Variants in SH3D19 observed in about 807,000 individuals in gnomAD.
The protein encoded by SH3D19 is SH3 domain containing 19, also known as SH3 domain-containing protein 19.
Under a neutral mutation model 112.1 loss-of-function variants are expected in SH3D19, and 58 were observed. That is an observed-to-expected ratio of 0.52 (90% CI 0.42 to 0.64). The LOEUF (loss-of-function observed/expected upper bound fraction) is 0.64. SH3D19 is among the 30% of genes least tolerant of loss of function. SH3D19 has a pLI of 0.00. For missense variants in SH3D19, 1,090 were observed against 1,263.4 expected, an observed-to-expected ratio of 0.86 and a Z score of 2.08; for synonymous variants, 391 against 448.5, an observed-to-expected ratio of 0.87 and a Z score of 1.62.
chr4:151,189,261 C>T (rs1057504730), intron 2 of SH3D19, among the ~76,000 whole-genome samples: 4 of 152,012 alleles, frequency 2.6e-5, no homozygotes, highest in Non-Finnish European at 4.4e-5. Context: ...CTACAGGCAC[C>T]CACCACCATG....
At chr4:151,272,052 C>A (rs1287471681) in intron 1 of SH3D19, among the ~76,000 whole-genome samples, 1 of 152,212 alleles carries the variant, frequency 6.6e-6, no homozygotes, top group Non-Finnish European at 1.5e-5. Context: ...TAAGAACCCA[C>A]TCTCTTGCTT....
chr4:151,266,610 G>C (rs772908734), intron 1 of SH3D19, among the ~76,000 whole-genome samples: 18 of 152,310 alleles, frequency 1.2e-4, no homozygotes, highest in African/African-American at 3.8e-4. Flanking sequence ...TCAGAGTTTA[G>C]TGAGTCAGTC....
chr4:151,270,365 A>C (rs1561417324), intron 1 of SH3D19, among the ~76,000 whole-genome samples: 1 of 151,086 alleles, frequency 6.6e-6, no homozygotes, highest in Non-Finnish European at 1.5e-5. Context: ...GCACCTCCCC[A>C]CTCTCTCTCT....
At chr4:151,303,666 G>C (rs908963041) in intron 1 of SH3D19, among the ~76,000 whole-genome samples, 1 of 152,048 alleles carries the variant, frequency 6.6e-6, no homozygotes, top group African/African-American at 2.4e-5. Context: ...TACTTCCTCT[G>C]AGCTACTTTA....
intron 7 of SH3D19, among the ~76,000 whole-genome samples, chr4:151,169,327 G>A (rs556622232): frequency 6.6e-6 from 1 of 152,218 alleles, no homozygotes; most frequent in Non-Finnish European, 1.5e-5. Context: ...GCGAGGCAAG[G>A]AAGTCTTCGT....
intron 13 of SH3D19, 67 bp from the exon 14 acceptor site, chr4:151,137,929 G>A: frequency 1.0e-5 from 14 of 1,385,506 alleles, no homozygotes; most frequent in Non-Finnish European, 1.4e-5. Context: ...AAAGCACAAA[G>A]TAGCATTTAG....
intron 17 of SH3D19, among the ~76,000 whole-genome samples, chr4:151,131,690 G>C (rs966189258): frequency 1.3e-5 from 2 of 151,860 alleles, no homozygotes; most frequent in African/African-American, 4.8e-5. Flanking sequence ...GGGTTTCACC[G>C]TGTTAGCCAG....
chr4:151,195,670 A>C (rs1763355763), intron 2 of SH3D19, among the ~76,000 whole-genome samples: 1 of 151,872 alleles, frequency 6.6e-6, no homozygotes, highest in Non-Finnish European at 1.5e-5. Context: ...CCTCTATTAG[A>C]ATATAATCTC....
intron 9 of SH3D19, among the ~76,000 whole-genome samples, chr4:151,151,372 A>T (rs1028332117): frequency 3.9e-5 from 6 of 151,972 alleles, no homozygotes; most frequent in African/African-American, 1.4e-4. Context: ...AAGAAAAAAA[A>T]TGCTGACTCT....
rs548133610 is a variant in SH3D19 at position 151,199,859 on chromosome 4, T to G, written c.153-12396A>C. Among the ~76,000 whole-genome samples, 5 of 152,348 alleles carry G rather than the reference T, an allele frequency of 3.3e-5. No individual in the cohort carries two copies. The South Asian group carries it at 1.0e-3, about 32-fold the overall frequency. ...TAAAAAATATATATTTATTTTGCTA[T>G]GGTCTGAATGTTTGTATCCCCATCA... On this transcript the variant is annotated intron_variant, in intron 2 of 19. Coordinates refer to ENST00000604030, the MANE Select transcript of SH3D19 (RefSeq NM_001378122.1).
intron 10 of SH3D19, 98 bp from the exon 11 acceptor site, chr4:151,148,284 CACACA>C: frequency 1.2e-6 from 1 of 824,164 alleles, no homozygotes; most frequent in Non-Finnish European, 1.8e-6. Context: ...CACACACACA[CACACA>C]GAGACACAGC....
rs1300115941 is a variant in SH3D19, at chr4:151,254,980, C to T, written c.113-28894G>A. 1.7e-3 allele frequency among the ~76,000 whole-genome samples: 250 copies of T among 145,770 alleles called. 4 individuals are homozygous for T. Among genetic ancestry groups the T allele is most frequent in the African/African-American group, 6.2e-3 (240 of 38,800 alleles). ...GCCCCCACCTCCCTCCCGGATGGGG[C>T]GGCTGGCTGGGCAGAGGGGCTCCTC... On this transcript the variant is annotated intron_variant, in intron 1 of 19. Coordinates refer to ENST00000604030, the MANE Select transcript of SH3D19 (RefSeq NM_001378122.1).
At chr4:151,204,921 A>G (rs1474587525) in intron 2 of SH3D19, among the ~76,000 whole-genome samples, 2 of 151,908 alleles carry the variant, frequency 1.3e-5, no homozygotes, top group Non-Finnish European at 2.9e-5. Flanking sequence ...CCTGGGTTCA[A>G]GTGATTCTCC....
intron 17 of SH3D19, among the ~76,000 whole-genome samples, chr4:151,129,662 G>C (rs113146935): frequency 0.033 from 4,979 of 152,198 alleles, 262 homozygotes; most frequent in African/African-American, 0.11. Flanking sequence ...GAGCCTCAGC[G>C]CCTGGCCGGG....
intron 1 of SH3D19, among the ~76,000 whole-genome samples, chr4:151,234,151 TC>T (rs1446199927): frequency 7.9e-5 from 12 of 152,168 alleles, no homozygotes; most frequent in Non-Finnish European, 1.8e-4. Flanking sequence ...CATAGTCTTC[TC>T]CAAAACAAAA....
At chr4:151,191,648 C>CT (rs912646013) in intron 2 of SH3D19, among the ~76,000 whole-genome samples, 11 of 149,516 alleles carry the variant, frequency 7.4e-5, no homozygotes, top group Admixed American at 2.0e-4. Flanking sequence ...AGAATCTGTT[C>CT]TTTTTTTTTT....
At chr4:151,176,789 G>A (rs1435766237) in intron 5 of SH3D19, 28 bp downstream of exon 5, 3 of 1,231,176 alleles carry the variant, frequency 2.4e-6, no homozygotes, top group Non-Finnish European at 3.0e-6. Flanking sequence ...AAAATAAAAT[G>A]CAAAGAGATA....
chr4:151,143,766 AAAAG>A, intron 12 of SH3D19, 140 bp downstream of exon 12: 5 of 897,948 alleles, frequency 5.6e-6, no homozygotes, highest in Non-Finnish European at 8.2e-6. Context: ...AATTTATTCT[AAAAG>A]TAGAATAAAT....
At chr4:151,194,975 T>A (rs1176058858) in intron 2 of SH3D19, among the ~76,000 whole-genome samples, 1 of 150,250 alleles carries the variant, frequency 6.7e-6, no homozygotes, top group Non-Finnish European at 1.5e-5. Flanking sequence ...CCCGGTAGGC[T>A]GAGGCATGAG....
Sources: allele counts gnomAD v4.1 joint callset (sites outside exome capture counted in the v4.1 genomes callset), GRCh38; gene constraint gnomAD v4.1.1; transcripts MANE v1.5; gene names NCBI Gene and HGNC (gene_info 2026-07-23, HGNC 2026-07-21).